Variants in AFTPH observed in about 807,000 individuals in gnomAD.
AFTPH encodes aftiphilin protein.
Under a neutral mutation model 72.5 loss-of-function variants are expected in AFTPH, and 7 were observed. That is an observed-to-expected ratio of 0.10 (90% CI 0.05 to 0.18). The LOEUF (loss-of-function observed/expected upper bound fraction) is 0.18, where lower values mean the gene tolerates loss of function less well. Ranked by LOEUF, AFTPH falls within the 10% of genes least tolerant of loss-of-function variation. The probability of loss-of-function intolerance (pLI) is 1.00; values close to 1 mark genes in which losing one functional copy is unlikely to be tolerated. For missense variants in AFTPH, 979 were observed against 1,060.5 expected, an observed-to-expected ratio of 0.92 and a Z score of 1.07; for synonymous variants, 337 against 370.1, an observed-to-expected ratio of 0.91 and a Z score of 1.03.
At position 64,551,852 on chromosome 2, in the gene AFTPH, T is replaced by C. The variant is rs35121285; in HGVS notation, c.378T>C (p.Asp126=). Reference sequence around the variant, plus strand: ...CTGAAATGTTAGCTACTTCCATTGATGGCATGGAAAGACCAGGAAATTTAA... The same window carrying C: ...CTGAAATGTTAGCTACTTCCATTGACGGCATGGAAAGACCAGGAAATTTAA... Residue 126 remains aspartate, a synonymous_variant, in exon 2 of 9, where the codon GAT becomes GAC. Coordinates refer to ENST00000238856, the Ensembl canonical transcript of AFTPH. 1.1e-3 allele frequency: 1,811 copies of C among 1,613,782 alleles called. 8 individuals carry two copies. The African/African-American group carries it at 0.014, about 13-fold the overall frequency.
chr2:64,557,548 C>T (rs558286248), intron 2 of AFTPH, among the ~76,000 whole-genome samples: 4 of 152,316 alleles, frequency 2.6e-5, no homozygotes, highest in East Asian at 3.9e-4. Context: ...GGTGCAATCT[C>T]GGCTCACTGC....
chr2:64,553,123 A>G lies in AFTPH; in HGVS notation c.1649A>G (p.Asn550Ser), dbSNP rs3770739. The G allele has an allele frequency of 1.4e-3, 2,190 of 1,614,212 alleles. 10 individuals are homozygous for G. The African/African-American group carries it at 0.014, about 10-fold the overall frequency. ...GTGCCAAATATTCAGGATGACTGCA[A>G]TGGTTTTCAAGACTCTGATGATTTT... Residue 550 changes from asparagine (N) to serine (S), a missense_variant, in exon 2 of 9, where the codon AAT becomes AGT. This residue lies in a region of AFTPH where 438 missense variants were observed against 530.0 expected (regional missense o/e 0.83). Transcript: ENST00000238856.
intron 6 of AFTPH, among the ~76,000 whole-genome samples, chr2:64,576,118 C>CAT (rs1553404165): frequency 4.4e-5 from 6 of 137,036 alleles, no homozygotes; most frequent in Non-Finnish European, 6.3e-5. Context: ...CACACACACA[C>CAT]GTGTGTCATA....
exon 8 of AFTPH, chr2:64,585,463 G>A: frequency 6.2e-7 from 1 of 1,613,686 alleles, no homozygotes; most frequent in African/African-American, 1.3e-5. Flanking sequence ...TTCTAAGCTG[G>A]AAATCTCCAC....
At chr2:64,528,745 G>C (rs774673339) in intron 1 of AFTPH, among the ~76,000 whole-genome samples, 6 of 152,174 alleles carry the variant, frequency 3.9e-5, no homozygotes, top group Non-Finnish European at 7.3e-5. Flanking sequence ...TGAACAAGTA[G>C]AAGAGTAGTA....
At chr2:64,581,980 C>T (rs1169952430) in intron 7 of AFTPH, among the ~76,000 whole-genome samples, 1 of 152,220 alleles carries the variant, frequency 6.6e-6, no homozygotes, top group African/African-American at 2.4e-5. Context: ...AAGTTCAGTT[C>T]ATTGACCAAA....
rs1672158709 is a variant in AFTPH at position 64,567,541 on chromosome 2, TTG to T, written c.1936-20_1936-19del. 6.3e-7 allele frequency: 1 copy of T among 1,585,208 alleles called. No homozygotes were observed. Among genetic ancestry groups the T allele is most frequent in the Admixed American group, 1.9e-5 (1 of 52,694 alleles). On this transcript the variant is annotated intron_variant, in intron 2 of 8. Coordinates refer to ENST00000238856, the Ensembl canonical transcript of AFTPH. The stretch of plus-strand genomic sequence containing the variant: ...ATCAAAATTAAATGAAAATAAACTT[TTG>T]GGGGGTGTTTTGATGCAGACAGCTT...
intron 2 of AFTPH, among the ~76,000 whole-genome samples, chr2:64,562,338 CTTTT>C (rs776199844): frequency 1.6e-5 from 2 of 126,404 alleles, no homozygotes; most frequent in Non-Finnish European, 3.4e-5. Context: ...AGGCGAAGTG[CTTTT>C]TTTTTTTTTT....
chr2:64,571,080 CAA>C (rs561932134), intron 5 of AFTPH, among the ~76,000 whole-genome samples: 32 of 151,770 alleles, frequency 2.1e-4, no homozygotes, highest in African/African-American at 7.7e-4. Flanking sequence ...TTTTTAATAT[CAA>C]GTTTTAATTA....
intron 5 of AFTPH, among the ~76,000 whole-genome samples, chr2:64,571,333 A>G (rs1302833399): frequency 1.3e-5 from 2 of 151,468 alleles, no homozygotes; most frequent in East Asian, 2.0e-4. Flanking sequence ...ACAAGTTCCA[A>G]GGTGACACAG....
intron 1 of AFTPH, among the ~76,000 whole-genome samples, chr2:64,528,575 G>T (rs911318481): frequency 1.3e-5 from 2 of 152,174 alleles, no homozygotes; most frequent in African/African-American, 4.8e-5. Flanking sequence ...TGAGCCAGTA[G>T]TAAGGGAGGT....
At chr2:64,556,391 A>G (rs1015238672) in intron 2 of AFTPH, among the ~76,000 whole-genome samples, 3 of 152,264 alleles carry the variant, frequency 2.0e-5, no homozygotes, top group African/African-American at 7.2e-5. Flanking sequence ...GTCCTGAACA[A>G]AATGCCATCA....
intron 8 of AFTPH, among the ~76,000 whole-genome samples, chr2:64,590,469 T>C (rs534528953): frequency 1.3e-5 from 2 of 152,322 alleles, no homozygotes; most frequent in South Asian, 2.1e-4. Flanking sequence ...AGATTGACGA[T>C]TGGTGAGAAA....
chr2:64,564,812 C>T (rs1671963149), intron 2 of AFTPH, among the ~76,000 whole-genome samples: 1 of 151,632 alleles, frequency 6.6e-6, no homozygotes, highest in South Asian at 2.1e-4. Flanking sequence ...GCCCTTACCA[C>T]CAAACTGGTC....
chr2:64,558,911 A>C (rs188604675), intron 2 of AFTPH, among the ~76,000 whole-genome samples: 8 of 152,218 alleles, frequency 5.3e-5, no homozygotes, highest in Admixed American at 3.3e-4. Flanking sequence ...GACTGGAACA[A>C]TTTAGACAAT....
At chr2:64,573,300 T>G (rs1672555770) in intron 6 of AFTPH, among the ~76,000 whole-genome samples, 1 of 152,180 alleles carries the variant, frequency 6.6e-6, no homozygotes, top group Non-Finnish European at 1.5e-5. Context: ...ATGGGTAAGT[T>G]CTTAAAACTA....
rs747662060 is a variant in AFTPH, at chr2:64,552,568, G to A, written c.1094G>A (p.Cys365Tyr). ...AAACTTGACTTACTTACTTCTAAAT[G>A]TGCTCACCTATGCATGGATTCTGTT... The change falls in exon 2 of 9, where the codon TGT becomes TAT. Residue 365 changes from cysteine (C) to tyrosine (Y), a missense_variant. By Grantham distance (194) the Cys-to-Tyr change is radical. Transcript: ENST00000238856. 29 of 1,614,016 alleles carry A rather than the reference G, an allele frequency of 1.8e-5. No individual in the cohort carries two copies. The highest frequency in any genetic ancestry group is 2.4e-5 in the Non-Finnish European group (28 of 1,180,016).
chr2:64,553,340 T>C lies in AFTPH; in HGVS notation c.1866T>C (p.Ser622=), dbSNP rs1182466957. Residue 622 remains serine (S), a synonymous_variant, in exon 2 of 9, where the codon AGT becomes AGC. Coordinates refer to ENST00000238856, the Ensembl canonical transcript of AFTPH. ...CTCCAGGAACCCCCAAAACGCACAG[T>C]GTACCTTCAGCAACTTCCAAAGGAG... 3.1e-6 allele frequency: 5 copies of C among 1,612,846 alleles called. No individual in the cohort carries two copies. In the East Asian group the frequency reaches 8.9e-5, roughly 29 times the overall value.
rs547682010 is a variant in AFTPH at position 64,561,907 on chromosome 2, C to T, written c.1936-5655C>T. On this transcript the variant is annotated intron_variant, in intron 2 of 8. Coordinates refer to ENST00000238856, the Ensembl canonical transcript of AFTPH. Reference sequence around the variant, plus strand: ...GCTTTAAGCATAGTTATCACCGCACCATTTAACAGGTAAATCCCTTATCTA... The same window carrying T: ...GCTTTAAGCATAGTTATCACCGCACTATTTAACAGGTAAATCCCTTATCTA... 1.0e-3 allele frequency among the ~76,000 whole-genome samples: 159 copies of T among 152,208 alleles called. 1 individual carries two copies. The highest frequency in any genetic ancestry group is 6.8e-3 in the Middle Eastern group (2 of 292).
Sources: gnomAD v4.1 joint callset for allele counts (sites outside exome capture counted in the v4.1 genomes callset) on GRCh38, gnomAD v4.1.1 for gene constraint, gnomAD v4.1.1 regional missense constraint, MANE v1.5 for transcripts, NCBI Gene and HGNC (gene_info 2026-07-23, HGNC 2026-07-21) for gene names.